The following NAALADL2 variants were observed in gnomAD, a reference collection of about 807,000 sequenced individuals.
NAALADL2 encodes N-acetylated alpha-linked acidic dipeptidase like 2.
Under a neutral mutation model 87.2 loss-of-function variants are expected in NAALADL2, and 76 were observed. The ratio of observed to expected loss-of-function variants is 0.87; its 90% CI spans 0.72 to 1.05. The LOEUF (loss-of-function observed/expected upper bound fraction) is 1.05. NAALADL2 is among the 50% of genes least tolerant of loss of function. The pLI is 0.00. For synonymous variants in NAALADL2, 354 were observed against 331.0 expected, an observed-to-expected ratio of 1.07 and a Z score of -0.75; for missense variants, 1,089 against 945.8, an observed-to-expected ratio of 1.15 and a Z score of -1.99.
intron 1 of NAALADL2, among the ~76,000 whole-genome samples, chr3:175,072,856 G>GA (rs1282634697): frequency 6.6e-6 from 1 of 151,664 alleles, no homozygotes; most frequent in Non-Finnish European, 1.5e-5. Flanking sequence ...GAAAAAAAAC[G>GA]AAAAATGGAA....
chr3:174,562,906 T>A (rs1296144171), intron 2 of NAALADL2, among the ~76,000 whole-genome samples: 2 of 152,128 alleles, frequency 1.3e-5, no homozygotes, highest in Admixed American at 1.3e-4. Flanking sequence ...GAATTAAAAG[T>A]AACTCTTTAA....
At chr3:175,788,583 CTA>C (rs1251092665) in intron 13 of NAALADL2, among the ~76,000 whole-genome samples, 2 of 152,104 alleles carry the variant, frequency 1.3e-5, no homozygotes, top group East Asian at 1.9e-4. Flanking sequence ...GCTACACCGT[CTA>C]TGTTTGGGTA....
intron 11 of NAALADL2, among the ~76,000 whole-genome samples, chr3:175,670,064 A>C (rs1425812968): frequency 6.6e-6 from 1 of 152,024 alleles, no homozygotes; most frequent in Non-Finnish European, 1.5e-5. Flanking sequence ...ACATCAATTT[A>C]TTTACTATTC....
rs530381526 is a variant in NAALADL2 at position 175,035,099 on chromosome 3, C to T, written c.44-61691C>T. Among the ~76,000 whole-genome samples, 24 of 152,268 alleles carry T rather than the reference C, an allele frequency of 1.6e-4. No homozygotes were observed. In the South Asian group the frequency reaches 2.1e-3, roughly 13 times the overall value. On this transcript the variant is annotated intron_variant, in intron 1 of 13. Transcript: ENST00000454872. ...TATGAGAGATGTATAATTTGTCCCA[C>T]GACCAACTCCTCTTTATAACTTGCC... is the stretch of plus-strand genomic sequence containing the variant.
intron 11 of NAALADL2, among the ~76,000 whole-genome samples, chr3:175,654,542 A>G (rs1172063553): frequency 6.6e-6 from 1 of 152,222 alleles, no homozygotes; most frequent in Non-Finnish European, 1.5e-5. Flanking sequence ...GTCTATAGGT[A>G]TGCCTTTCTT....
At chr3:175,406,207 A>C (rs935288329) in intron 5 of NAALADL2, among the ~76,000 whole-genome samples, 1 of 152,222 alleles carries the variant, frequency 6.6e-6, no homozygotes, top group Non-Finnish European at 1.5e-5. Flanking sequence ...ATTAGGTCAG[A>C]GAGTTGGGCA....
At position 175,265,040 on chromosome 3, in the gene NAALADL2, G is replaced by A. The variant is rs139411857; in HGVS notation, c.939+8510G>A. On this transcript the variant is annotated intron_variant, in intron 4 of 13. Coordinates refer to ENST00000454872, the MANE Select transcript of NAALADL2 (RefSeq NM_207015.3). The stretch of plus-strand genomic sequence containing the variant: ...GCCTGGCACATACTAAACATTCATC[G>A]AAAGTCAGCTGACATTTAATTTAAT... Among the ~76,000 whole-genome samples, 1,452 of 151,558 alleles carry A rather than the reference G, an allele frequency of 9.6e-3. 11 individuals are homozygous for A. The highest frequency in any genetic ancestry group is 0.012 in the Non-Finnish European group (835 of 67,572).
intron 11 of NAALADL2, among the ~76,000 whole-genome samples, chr3:175,637,680 C>T (rs1436637442): frequency 6.6e-6 from 1 of 152,150 alleles, no homozygotes; most frequent in Non-Finnish European, 1.5e-5. Flanking sequence ...CTGAGGCTCT[C>T]AACCAGAAGC....
chr3:175,150,875 T>C (rs1731443919), intron 2 of NAALADL2, among the ~76,000 whole-genome samples: 1 of 152,180 alleles, frequency 6.6e-6, no homozygotes, highest in Non-Finnish European at 1.5e-5. Flanking sequence ...CCTGCCCTCC[T>C]GTAGTTTATG....
chr3:174,846,355 TTTG>T (rs1724612921), intron 3 of NAALADL2, among the ~76,000 whole-genome samples: 2 of 152,306 alleles, frequency 1.3e-5, no homozygotes, highest in South Asian at 4.1e-4. Flanking sequence ...TAGTTGTTTA[TTTG>T]TTGTTTTGTT....
At chr3:175,449,204 G>C (rs1019458177) in intron 6 of NAALADL2, among the ~76,000 whole-genome samples, 1 of 151,892 alleles carries the variant, frequency 6.6e-6, no homozygotes, top group African/African-American at 2.4e-5. Context: ...TCAGCCTTCC[G>C]AGTAGCTAGG....
intron 1 of NAALADL2, among the ~76,000 whole-genome samples, chr3:174,943,636 C>A (rs2108480824): frequency 6.6e-6 from 1 of 152,298 alleles, no homozygotes; most frequent in African/African-American, 2.4e-5. Context: ...GGCTCCACCC[C>A]AAAGAGATGC....
At chr3:174,736,792 C>T (rs1393135917) in intron 2 of NAALADL2, among the ~76,000 whole-genome samples, 1 of 152,156 alleles carries the variant, frequency 6.6e-6, no homozygotes, top group East Asian at 1.9e-4. Flanking sequence ...CACCTAGGAG[C>T]CTGTCTGTCT....
chr3:175,491,604 G>T (rs1582111648), intron 9 of NAALADL2, among the ~76,000 whole-genome samples: 1 of 152,142 alleles, frequency 6.6e-6, no homozygotes, highest in Non-Finnish European at 1.5e-5. Flanking sequence ...TTGAAGAATA[G>T]AATTATTTTC....
chr3:175,535,363 G>T (rs964922188), intron 9 of NAALADL2, among the ~76,000 whole-genome samples: 3 of 152,082 alleles, frequency 2.0e-5, no homozygotes, highest in African/African-American at 7.2e-5. Context: ...TCTTTGTATT[G>T]CTTCATGTTC....
At chr3:174,551,817 A>T (rs1340266865) in intron 2 of NAALADL2, among the ~76,000 whole-genome samples, 1 of 152,188 alleles carries the variant, frequency 6.6e-6, no homozygotes, top group African/African-American at 2.4e-5. Context: ...TAGCTTTTTC[A>T]TGCTGAGTTT....
At chr3:175,747,417 G>T (rs1050138547) in intron 12 of NAALADL2, among the ~76,000 whole-genome samples, 1 of 151,952 alleles carries the variant, frequency 6.6e-6, no homozygotes, top group South Asian at 2.1e-4. Flanking sequence ...TCATAGTAAT[G>T]GCCTATTCTA....
chr3:174,909,368 C>T (rs1293891162), intron 1 of NAALADL2, among the ~76,000 whole-genome samples: 1 of 152,066 alleles, frequency 6.6e-6, no homozygotes, highest in African/African-American at 2.4e-5. Flanking sequence ...GCACTCCAGC[C>T]TGGGCAACAA....
At chr3:175,733,020 T>C (rs1034546126) in intron 11 of NAALADL2, among the ~76,000 whole-genome samples, 2 of 152,046 alleles carry the variant, frequency 1.3e-5, no homozygotes, top group Non-Finnish European at 2.9e-5. Flanking sequence ...CATTTACCTA[T>C]GTAACAAACC....
Sources: gnomAD v4.1 joint callset for allele counts (sites outside exome capture counted in the v4.1 genomes callset) on GRCh38, gnomAD v4.1.1 for gene constraint, MANE v1.5 for transcripts, NCBI Gene and HGNC (gene_info 2026-07-23, HGNC 2026-07-21) for gene names.